CSMD1: variants seen among roughly 807,000 people sequenced by gnomAD.
CSMD1 encodes the protein CUB and sushi domain-containing protein 1.
Under a neutral mutation model 417.5 loss-of-function variants are expected in CSMD1, and 213 were observed. That is an observed-to-expected ratio of 0.51 (90% confidence interval 0.46 to 0.57). The LOEUF (loss-of-function observed/expected upper bound fraction) is 0.57. Ranked by LOEUF, CSMD1 falls within the 20% of genes least tolerant of loss-of-function variation. The probability of loss-of-function intolerance (pLI) is 0.00; values close to 1 mark genes in which losing one functional copy is unlikely to be tolerated. For synonymous variants in CSMD1, 2,862 were observed against 1,736.8 expected (o/e 1.65, Z -16.11); for missense variants, 6,923 against 4,529.7 (o/e 1.53, Z -15.17).
Position 3,645,198 on chromosome 8 carries a change from T to C in CSMD1, c.1010-28401A>G, listed in dbSNP as rs570836313. 2.2e-4 allele frequency among the ~76,000 whole-genome samples: 34 copies of C among 152,232 alleles called. 1 individual carries two copies. Among genetic ancestry groups the C allele is most frequent in the African/African-American group, 7.0e-4 (29 of 41,556 alleles). On this transcript the variant is annotated intron_variant, in intron 7 of 69. Transcript: ENST00000635120. ...CCTTACTTCACTGAGTCCTGGGCCA[T>C]GCAAGAAACCAATGCACAGTCCAAA...
chr8:4,403,535 G>C (rs113983375), intron 3 of CSMD1, among the ~76,000 whole-genome samples: 20 of 151,998 alleles, frequency 1.3e-4, no homozygotes, highest in African/African-American at 4.8e-4. Flanking sequence ...AGTATCATTC[G>C]CCAGGGCTGA....
chr8:4,701,960 G>T (rs1007597743), intron 1 of CSMD1, among the ~76,000 whole-genome samples: 1 of 152,138 alleles, frequency 6.6e-6, no homozygotes, highest in African/African-American at 2.4e-5. Flanking sequence ...CCTTTGCAGG[G>T]GCATGGATGG....
At chr8:3,944,352 GT>G (rs1443690982) in intron 5 of CSMD1, among the ~76,000 whole-genome samples, 1 of 152,042 alleles carries the variant, frequency 6.6e-6, no homozygotes, top group Non-Finnish European at 1.5e-5. Context: ...AATAATTTTT[GT>G]ACCAAAATAA....
intron 2 of CSMD1, among the ~76,000 whole-genome samples, chr8:4,599,582 G>A (rs1241292289): frequency 3.3e-5 from 5 of 151,638 alleles, no homozygotes; most frequent in Non-Finnish European, 5.9e-5. Context: ...TTACGTCAAC[G>A]AATATAAATG....
chr8:4,667,820 ATCCT>A (rs1237234579), intron 1 of CSMD1, among the ~76,000 whole-genome samples: 1 of 152,178 alleles, frequency 6.6e-6, no homozygotes, highest in Non-Finnish European at 1.5e-5. Context: ...ATCTTATTTT[ATCCT>A]TCCAATTTGT....
chr8:3,994,447 G>GAAAAAAAAA (rs56184992), intron 5 of CSMD1, among the ~76,000 whole-genome samples: 1 of 119,152 alleles, frequency 8.4e-6, no homozygotes, highest in Non-Finnish European at 1.8e-5. Context: ...AATCTCTTCA[G>GAAAAAAAAA]AAAAAAAAAA....
intron 5 of CSMD1, among the ~76,000 whole-genome samples, chr8:3,909,622 G>C (rs1418050461): frequency 1.3e-5 from 2 of 152,104 alleles, no homozygotes; most frequent in Admixed American, 1.3e-4. Flanking sequence ...AGGCTCAGGA[G>C]CTTGTTTGTG....
At chr8:3,832,290 T>C (rs1802422807) in intron 5 of CSMD1, among the ~76,000 whole-genome samples, 1 of 152,194 alleles carries the variant, frequency 6.6e-6, no homozygotes, top group African/African-American at 2.4e-5. Context: ...ACGGGATTAT[T>C]TTAATCTTTA....
chr8:2,949,415 AT>A, intron 67 of CSMD1, 29 bp from the exon 68 acceptor site: 26 of 1,281,218 alleles, frequency 2.0e-5, no homozygotes, highest in Non-Finnish European at 2.5e-5. Flanking sequence ...AAGAAAAGAA[AT>A]AAAAAGGTAT....
Position 3,457,204 on chromosome 8 carries a change from C to A in CSMD1, c.1561+11508G>T, listed in dbSNP as rs574741602. 2.7e-4 allele frequency among the ~76,000 whole-genome samples: 41 copies of A among 152,036 alleles called. No homozygotes were observed. In the Middle Eastern group the frequency reaches 0.01, roughly 38 times the overall value. ...CCTCATCGTGGACTCCTAACCTGGACCCCCTCATCCTGCCCTCCTCACTGC... is the reference window on the plus strand; with the variant it reads ...CCTCATCGTGGACTCCTAACCTGGAACCCCTCATCCTGCCCTCCTCACTGC... On this transcript the variant is annotated intron_variant, in intron 12 of 69. Coordinates refer to ENST00000635120, the MANE Select transcript of CSMD1 (RefSeq NM_033225.6).
chr8:3,920,694 A>G (rs1355467325), intron 5 of CSMD1, among the ~76,000 whole-genome samples: 1 of 152,088 alleles, frequency 6.6e-6, no homozygotes, highest in Non-Finnish European at 1.5e-5. Flanking sequence ...AAAATAGGTT[A>G]AATTTTGTCA....
chr8:4,394,558 A>T (rs1353432674), intron 3 of CSMD1, among the ~76,000 whole-genome samples: 2 of 152,130 alleles, frequency 1.3e-5, no homozygotes, highest in African/African-American at 4.8e-5. Context: ...GAGCAAATGG[A>T]CTTTGGTTCA....
intron 3 of CSMD1, among the ~76,000 whole-genome samples, chr8:4,175,004 A>T (rs1245804941): frequency 6.6e-6 from 1 of 151,660 alleles, no homozygotes; most frequent in African/African-American, 2.4e-5. Context: ...GGAATCTCTT[A>T]TCTCACTCTT....
intron 5 of CSMD1, among the ~76,000 whole-genome samples, chr8:3,819,894 G>C (rs978837088): frequency 2.6e-5 from 4 of 152,146 alleles, no homozygotes; most frequent in Non-Finnish European, 5.9e-5. Context: ...GATCCAGAGT[G>C]CTATAATAGA....
chr8:4,800,180 T>C (rs564190461), intron 1 of CSMD1, among the ~76,000 whole-genome samples: 1 of 152,276 alleles, frequency 6.6e-6, no homozygotes, highest in East Asian at 1.9e-4. Context: ...GGCTCATGCC[T>C]ATAACCCCAG....
At position 2,991,312 on chromosome 8, in the gene CSMD1, A is replaced by G. The variant is rs1806364757; in HGVS notation, c.8377+6699T>C. 2.0e-5 allele frequency among the ~76,000 whole-genome samples: 3 copies of G among 152,238 alleles called. No homozygotes were observed. The South Asian group carries it at 6.2e-4, about 32-fold the overall frequency. On this transcript the variant is annotated intron_variant, in intron 54 of 69. Transcript: ENST00000635120. ...TATATACATTATTTAAATTTCTGTA[A>G]CAGGGTAAGGACTAAAACACACTAA...
intron 3 of CSMD1, among the ~76,000 whole-genome samples, chr8:4,332,278 G>A (rs934577145): frequency 1.3e-5 from 2 of 152,128 alleles, no homozygotes; most frequent in African/African-American, 2.4e-5. Flanking sequence ...CCAAAGGGCT[G>A]TGCTCCAAGC....
At chr8:3,511,367 C>G (rs553273981) in intron 10 of CSMD1, among the ~76,000 whole-genome samples, 1 of 131,174 alleles carries the variant, frequency 7.6e-6, no homozygotes, top group African/African-American at 3.1e-5. Context: ...TATCCCAGAA[C>G]TTAAAGTATT....
At chr8:3,315,244 T>C (rs1256109971) in intron 23 of CSMD1, among the ~76,000 whole-genome samples, 1 of 152,194 alleles carries the variant, frequency 6.6e-6, no homozygotes, top group African/African-American at 2.4e-5. Context: ...TTATTAACTC[T>C]ATTTGGATTC....
Sources: gnomAD v4.1 joint callset for allele counts (sites outside exome capture counted in the v4.1 genomes callset) on GRCh38, gnomAD v4.1.1 for gene constraint, MANE v1.5 for transcripts, NCBI Gene and HGNC (gene_info 2026-07-23, HGNC 2026-07-21) for gene names.